Variants in SETD5 observed in about 807,000 individuals in gnomAD.
SETD5 encodes the protein histone-lysine N-methyltransferase SETD5.
Under a neutral mutation model 153.3 loss-of-function variants are expected in SETD5, and 44 were observed. The ratio of observed to expected loss-of-function variants is 0.29; its 90% CI spans 0.23 to 0.37. SETD5 has a LOEUF of 0.37. Ranked by LOEUF, SETD5 falls within the 10% of genes least tolerant of loss-of-function variation. The probability of loss-of-function intolerance (pLI) is 1.00; values close to 1 mark genes in which losing one functional copy is unlikely to be tolerated. For synonymous variants in SETD5, 716 were observed against 645.2 expected, an observed-to-expected ratio of 1.11 and a Z score of -1.66; for missense variants, 1,544 against 1,768.0, an observed-to-expected ratio of 0.87 and a Z score of 2.27.
intron 18 of SETD5, among the ~76,000 whole-genome samples, chr3:9,469,039 G>T (rs1313986747): frequency 6.6e-6 from 1 of 152,124 alleles, no homozygotes; most frequent in East Asian, 1.9e-4. Flanking sequence ...CTGTAAACCA[G>T]ATGTTTTGAC....
chr3:9,439,841 G>C (rs2041055140), intron 7 of SETD5, among the ~76,000 whole-genome samples: 1 of 152,152 alleles, frequency 6.6e-6, no homozygotes, highest in African/African-American at 2.4e-5. Context: ...TGAAAATAGA[G>C]TGTTAGAAAG....
chr3:9,475,446 T>G (rs987947710), intron 22 of SETD5, 37 bp from the exon 23 acceptor site: 2 of 1,583,056 alleles, frequency 1.3e-6, no homozygotes, highest in African/African-American at 2.7e-5. Flanking sequence ...AAGGGACTTG[T>G]TCGCGTCCTT....
intron 16 of SETD5, 50 bp from the exon 17 acceptor site, chr3:9,453,689 A>G (rs774099205): frequency 8.2e-5 from 125 of 1,520,008 alleles, no homozygotes; most frequent in Non-Finnish European, 1.0e-4. Context: ...CAGGTGCACT[A>G]AATAGTTTTA....
At chr3:9,427,353 C>T (rs2039406927) in intron 2 of SETD5, among the ~76,000 whole-genome samples, 1 of 152,148 alleles carries the variant, frequency 6.6e-6, no homozygotes, top group African/African-American at 2.4e-5. Flanking sequence ...GAGTTCAAGA[C>T]CGCCTGGCCA....
intron 7 of SETD5, 103 bp from the exon 8 acceptor site, chr3:9,440,353 C>T (rs2041124051): frequency 1.5e-6 from 1 of 658,450 alleles, no homozygotes; most frequent in African/African-American, 1.8e-5. Context: ...CATCAATTGC[C>T]AAGTGATAAA....
At chr3:9,446,462 A>G (rs564864793) in intron 13 of SETD5, among the ~76,000 whole-genome samples, 3 of 150,708 alleles carry the variant, frequency 2.0e-5, no homozygotes, top group South Asian at 2.1e-4. Flanking sequence ...GCTGAAACCA[A>G]TCCTGTGTGT....
At chr3:9,466,177 A>T (rs1055993111) in intron 18 of SETD5, among the ~76,000 whole-genome samples, 1 of 150,668 alleles carries the variant, frequency 6.6e-6, no homozygotes, top group Non-Finnish European at 1.5e-5. Context: ...AGTCCCAGCT[A>T]CTCGGGAGGC....
chr3:9,451,966 A>G (rs745351517), intron 16 of SETD5, among the ~76,000 whole-genome samples: 3 of 152,178 alleles, frequency 2.0e-5, no homozygotes, highest in African/African-American at 4.8e-5. Context: ...CTTATTATCC[A>G]TGAGGTTAAT....
chr3:9,473,639 G>C, intron 20 of SETD5, 102 bp downstream of exon 20: 10 of 1,221,880 alleles, frequency 8.2e-6, no homozygotes, highest in Non-Finnish European at 1.0e-5. Context: ...AACACTTGAT[G>C]GGAACATCTG....
At chr3:9,410,771 T>C (rs1453211484) in intron 1 of SETD5, among the ~76,000 whole-genome samples, 1 of 152,128 alleles carries the variant, frequency 6.6e-6, no homozygotes, top group Non-Finnish European at 1.5e-5. Flanking sequence ...ATTTTTACAC[T>C]GTAGAAGAGG....
rs535209850 is a variant in SETD5, at chr3:9,445,963, T to C, written c.1524+223T>C. 2.3e-3 allele frequency among the ~76,000 whole-genome samples: 324 copies of C among 140,498 alleles called. 3 individuals carry two copies. Among genetic ancestry groups the C allele is most frequent in the African/African-American group, 8.5e-3 (304 of 35,972 alleles). The allele number at this position is 140,498 out of a possible 152,430, so 92.2% of individuals were successfully genotyped here. The stretch of plus-strand genomic sequence containing the variant: ...ATTATCTAGTGATGGTTTGAAGAGG[T>C]TGTTTTTTTTTTTTTTTTTTTTTTT... On this transcript the variant is annotated intron_variant, in intron 13 of 22. Transcript: ENST00000402198.
At position 9,476,039 on chromosome 3, in the gene SETD5, G is replaced by A. The variant is rs757364157; in HGVS notation, c.4277G>A (p.Arg1426Gln). The stretch of plus-strand genomic sequence containing the variant: ...GGGAGTGGGGGTGTGCACCAGTACC[G>A]ACTCCAGCCACTGCAAGGGTCAGGA... ...HRGSGGVHQY[R>Q]LQPLQGSGVK... Residue 1426 changes from arginine to glutamine, a missense_variant, in exon 23 of 23, where the codon CGA becomes CAA. Arg to Gln is a conservative substitution (Grantham distance 43). Transcript: ENST00000402198. 46 of 1,613,560 alleles carry A rather than the reference G, an allele frequency of 2.9e-5. No homozygotes were observed. The highest frequency in any genetic ancestry group is 4.5e-5 in the East Asian group (2 of 44,886).
At chr3:9,422,456 G>T (rs2038552754) in intron 1 of SETD5, among the ~76,000 whole-genome samples, 1 of 152,162 alleles carries the variant, frequency 6.6e-6, no homozygotes, top group Non-Finnish European at 1.5e-5. Context: ...TTTCAGAGCA[G>T]TTTTTATGCT....
chr3:9,465,291 T>G (rs1389099334), intron 18 of SETD5, among the ~76,000 whole-genome samples: 2 of 152,244 alleles, frequency 1.3e-5, no homozygotes, highest in African/African-American at 4.8e-5. Context: ...TTACCTTCAC[T>G]GTTGGATTAA....
intron 17 of SETD5, among the ~76,000 whole-genome samples, chr3:9,456,648 T>C (rs1324698321): frequency 6.6e-6 from 1 of 152,104 alleles, no homozygotes; most frequent in Non-Finnish European, 1.5e-5. Flanking sequence ...CAGAATACTC[T>C]TTCTTGTAGA....
chr3:9,462,358 C>A (rs376688687), intron 17 of SETD5, among the ~76,000 whole-genome samples: 2 of 150,016 alleles, frequency 1.3e-5, no homozygotes, highest in Non-Finnish European at 3.0e-5. Flanking sequence ...GAGGCCGAGG[C>A]GGGTGGATCA....
At chr3:9,418,473 A>C (rs1246718249) in intron 1 of SETD5, among the ~76,000 whole-genome samples, 1 of 152,174 alleles carries the variant, frequency 6.6e-6, no homozygotes, top group Non-Finnish European at 1.5e-5. Flanking sequence ...TCCTAGCCCA[A>C]ATTTGTAGAA....
chr3:9,450,508 G>A (rs1037554120), intron 16 of SETD5, among the ~76,000 whole-genome samples: 1 of 152,162 alleles, frequency 6.6e-6, no homozygotes, highest in Admixed American at 6.5e-5. Context: ...AAATGAAATG[G>A]AATGTTTTAG....
chr3:9,405,629 G>A (rs1359723690), intron 1 of SETD5, among the ~76,000 whole-genome samples: 1 of 152,126 alleles, frequency 6.6e-6, no homozygotes, highest in African/African-American at 2.4e-5. Flanking sequence ...AGGTATATGC[G>A]TTGCTGAATG....
Sources: gnomAD v4.1 joint callset for allele counts (sites outside exome capture counted in the v4.1 genomes callset) on GRCh38, gnomAD v4.1.1 for gene constraint, MANE v1.5 for transcripts, NCBI Gene and HGNC (gene_info 2026-07-23, HGNC 2026-07-21) for gene names.